The following CACNA2D1 variants were observed in gnomAD, a reference collection of about 807,000 sequenced individuals.
CACNA2D1 encodes the protein voltage-dependent calcium channel subunit alpha-2/delta-1.
Under a neutral mutation model 171.5 loss-of-function variants are expected in CACNA2D1, and 53 were observed. That is an observed-to-expected ratio of 0.31 (90% CI 0.25 to 0.39). CACNA2D1 has a LOEUF of 0.39. Ranked by LOEUF, CACNA2D1 falls within the 10% of genes least tolerant of loss-of-function variation. The pLI is 1.00. For synonymous variants in CACNA2D1, 442 were observed against 443.1 expected (o/e 1.00, Z 0.03); for missense variants, 903 against 1,299.8 (o/e 0.69, Z 4.69).
rs577604647 is a variant in CACNA2D1, at chr7:82,270,265, A to G, written c.294+64870T>C. 5.3e-5 allele frequency among the ~76,000 whole-genome samples: 8 copies of G among 152,246 alleles called. No homozygotes were observed. The South Asian group carries it at 1.7e-3, about 32-fold the overall frequency. Reference sequence around the variant, plus strand: ...TATTCCCCAAACCCAAAAGGTAGCTATTGTCATGACTTCTATTACTATAAA... The same window carrying G: ...TATTCCCCAAACCCAAAAGGTAGCTGTTGTCATGACTTCTATTACTATAAA... On this transcript the variant is annotated intron_variant, in intron 3 of 38. Transcript: ENST00000356860.
intron 7 of CACNA2D1, among the ~76,000 whole-genome samples, chr7:82,068,066 T>C (rs1299835357): frequency 6.6e-6 from 1 of 152,098 alleles, no homozygotes; most frequent in African/African-American, 2.4e-5. Context: ...TTCCTTGTTC[T>C]GGTTTGTTTG....
intron 3 of CACNA2D1, among the ~76,000 whole-genome samples, chr7:82,322,711 G>T (rs927881588): frequency 6.6e-6 from 1 of 152,108 alleles, no homozygotes; most frequent in Admixed American, 6.5e-5. Flanking sequence ...ATGATAAATC[G>T]TATCAGGAGA....
chr7:82,223,587 T>C (rs566810860), intron 3 of CACNA2D1, among the ~76,000 whole-genome samples: 1 of 152,184 alleles, frequency 6.6e-6, no homozygotes, highest in Non-Finnish European at 1.5e-5. Context: ...TAATAATACA[T>C]CCTGTTTCAG....
At chr7:82,398,421 A>T (rs1043278395) in intron 1 of CACNA2D1, among the ~76,000 whole-genome samples, 1 of 152,238 alleles carries the variant, frequency 6.6e-6, no homozygotes, top group Non-Finnish European at 1.5e-5. Context: ...TTATGTGGTG[A>T]GTAAATACAT....
chr7:82,174,169 GA>G (rs5885274), intron 3 of CACNA2D1, among the ~76,000 whole-genome samples: 145,305 of 147,358 alleles, frequency 0.99, 71,658 homozygotes, highest in Middle Eastern at 1. Flanking sequence ...ACTTACTTCA[GA>G]AAAAAAAAAA....
intron 1 of CACNA2D1, among the ~76,000 whole-genome samples, chr7:82,356,546 CATTT>C (rs1337174898): frequency 6.6e-6 from 1 of 152,120 alleles, no homozygotes; most frequent in Admixed American, 6.6e-5. Context: ...CATTTATTCT[CATTT>C]ATCAATACAT....
At chr7:82,166,968 A>T (rs1795522587) in intron 4 of CACNA2D1, among the ~76,000 whole-genome samples, 1 of 152,042 alleles carries the variant, frequency 6.6e-6, no homozygotes, top group African/African-American at 2.4e-5. Context: ...TACATTACAC[A>T]GTAGGGAAGG....
At chr7:82,402,469 T>C (rs1023600620) in intron 1 of CACNA2D1, among the ~76,000 whole-genome samples, 5 of 151,968 alleles carry the variant, frequency 3.3e-5, no homozygotes, top group Non-Finnish European at 7.4e-5. Context: ...TCCCAGCACT[T>C]TGGGAGGCTG....
Position 82,117,072 on chromosome 7 carries a change from G to A in CACNA2D1, c.498C>T (p.Val166=), listed in dbSNP as rs774323684. 4.3e-6 allele frequency: 7 copies of A among 1,613,672 alleles called. No individual in the cohort carries two copies. In the East Asian group the frequency reaches 8.9e-5, roughly 21 times the overall value. ...CCTCATAGATGTCAGTAGGAATATG[G>A]ACTGCTGCGTGCTGATAAGATATTT... ...GRQISYQHAA[V]HIPTDIYEGS... is the part of the protein sequence containing the mutation. The change falls in exon 6 of 39, where the codon GTC becomes GTT. Residue 166 remains valine (V), a synonymous_variant. Coordinates refer to ENST00000356860, the MANE Select transcript of CACNA2D1 (RefSeq NM_000722.4).
At chr7:82,040,038 G>T (rs1286212668) in intron 10 of CACNA2D1, among the ~76,000 whole-genome samples, 1 of 152,176 alleles carries the variant, frequency 6.6e-6, no homozygotes, top group Non-Finnish European at 1.5e-5. Flanking sequence ...CTGCTGTGTG[G>T]AAAATGGACT....
intron 26 of CACNA2D1, among the ~76,000 whole-genome samples, chr7:81,971,426 C>T (rs187466805): frequency 6.6e-6 from 1 of 151,648 alleles, no homozygotes; most frequent in African/African-American, 2.4e-5. Context: ...AAATAAGAAT[C>T]ATACTCAGAT....
chr7:82,394,617 G>A (rs1312583076), intron 1 of CACNA2D1, among the ~76,000 whole-genome samples: 1 of 152,128 alleles, frequency 6.6e-6, no homozygotes, highest in East Asian at 1.9e-4. Context: ...TAAGCAGGTG[G>A]TTTATTTCGG....
At chr7:82,207,271 A>G (rs887325561) in intron 3 of CACNA2D1, among the ~76,000 whole-genome samples, 1 of 152,198 alleles carries the variant, frequency 6.6e-6, no homozygotes, top group Non-Finnish European at 1.5e-5. Context: ...TGAATTCAGT[A>G]AACATGGTCC....
chr7:82,083,121 C>T (rs1222504197), intron 7 of CACNA2D1, among the ~76,000 whole-genome samples: 1 of 151,792 alleles, frequency 6.6e-6, no homozygotes, highest in Non-Finnish European at 1.5e-5. Flanking sequence ...CTCTTGACTG[C>T]TCATTATCAT....
At position 82,163,376 on chromosome 7, in the gene CACNA2D1, A is replaced by G. The variant is rs980903794; in HGVS notation, c.354+7174T>C. The stretch of plus-strand genomic sequence containing the variant: ...GGCTAAACCTGAATGATAACAATAT[A>G]TGTTTGGAGATGGCAAGTTATCAGG... On this transcript the variant is annotated intron_variant, in intron 4 of 38. Transcript: ENST00000356860. Among the ~76,000 whole-genome samples, 4 of 152,154 alleles carry G rather than the reference A, an allele frequency of 2.6e-5. No homozygotes were observed. In the East Asian group the frequency reaches 5.8e-4, roughly 22 times the overall value.
chr7:82,065,064 G>A (rs140608541), intron 8 of CACNA2D1, among the ~76,000 whole-genome samples: 1,713 of 152,172 alleles, frequency 0.011, 22 homozygotes, highest in Non-Finnish European at 0.016. Context: ...CCTGGCCACC[G>A]ACTGGAATGG....
chr7:82,213,229 A>G (rs1800752745), intron 3 of CACNA2D1, among the ~76,000 whole-genome samples: 1 of 152,164 alleles, frequency 6.6e-6, no homozygotes, highest in African/African-American at 2.4e-5. Context: ...GTAATATTCT[A>G]GAGTGTTTTT....
At chr7:82,011,635 T>G (rs1190250524) in intron 15 of CACNA2D1, among the ~76,000 whole-genome samples, 2 of 152,186 alleles carry the variant, frequency 1.3e-5, no homozygotes, top group East Asian at 3.9e-4. Flanking sequence ...AAGATTATAT[T>G]AATACATGAA....
At chr7:82,033,457 C>T (rs1307097379) in intron 11 of CACNA2D1, among the ~76,000 whole-genome samples, 2 of 151,990 alleles carry the variant, frequency 1.3e-5, no homozygotes, top group Non-Finnish European at 2.9e-5. Context: ...CAAAAAATAA[C>T]ATTAATTTAA....
Sources: gnomAD v4.1 joint callset for allele counts (sites outside exome capture counted in the v4.1 genomes callset) on GRCh38, gnomAD v4.1.1 for gene constraint, MANE v1.5 for transcripts, NCBI Gene and HGNC (gene_info 2026-07-23, HGNC 2026-07-21) for gene names.